MND1: variants seen among roughly 807,000 people sequenced by gnomAD.
MND1 encodes meiotic nuclear divisions 1.
In MND1, 28 loss-of-function variants were observed where a neutral mutation model predicts 35.1. That is an observed-to-expected ratio of 0.80 (90% CI 0.59 to 1.09). The LOEUF (loss-of-function observed/expected upper bound fraction) is 1.09. Among genes scored for constraint, MND1 ranks in the 50% least tolerant of loss-of-function variants. The pLI is 0.00. For synonymous variants in MND1, 69 were observed against 70.5 expected (o/e 0.98, Z 0.11); for missense variants, 213 against 239.6 (o/e 0.89, Z 0.73).
At chr4:153,391,778 A>AT (rs199589291) in intron 4 of MND1, among the ~76,000 whole-genome samples, 45 of 149,594 alleles carry the variant, frequency 3.0e-4, no homozygotes, top group Middle Eastern at 3.5e-3. Context: ...CACACAGCAG[A>AT]TTTTTTTTTT....
intron 7 of MND1, among the ~76,000 whole-genome samples, chr4:153,412,810 T>C (rs76271034): frequency 1.8e-3 from 230 of 125,096 alleles, no homozygotes; most frequent in African/African-American, 7.5e-3. Context: ...CTTTTTTTTC[T>C]TTTTTTTTTT....
chr4:153,393,924 C>T (rs370956811), intron 4 of MND1, among the ~76,000 whole-genome samples: 774 of 56,096 alleles, frequency 0.014, no homozygotes, highest in South Asian at 0.016. Context: ...ACTTTGTTTT[C>T]TTTTTTTTTT....
chr4:153,371,945 T>C (rs1317417122), intron 4 of MND1, among the ~76,000 whole-genome samples: 1 of 152,036 alleles, frequency 6.6e-6, no homozygotes, highest in Non-Finnish European at 1.5e-5. Flanking sequence ...GAGGCCACTG[T>C]AGGGTTATTA....
At chr4:153,410,878 C>G (rs1729662125) in intron 7 of MND1, among the ~76,000 whole-genome samples, 2 of 152,116 alleles carry the variant, frequency 1.3e-5, no homozygotes, top group South Asian at 4.1e-4. Flanking sequence ...GTAATACCAG[C>G]TACTCAGGAG....
chr4:153,357,839 A>C (rs778495254), intron 3 of MND1, among the ~76,000 whole-genome samples: 5 of 152,212 alleles, frequency 3.3e-5, no homozygotes, highest in Non-Finnish European at 5.9e-5. Context: ...AGTTATTGAC[A>C]ATTTTTTTCT....
At chr4:153,379,303 A>G (rs1728600500) in intron 4 of MND1, among the ~76,000 whole-genome samples, 1 of 148,322 alleles carries the variant, frequency 6.7e-6, no homozygotes, top group Admixed American at 6.7e-5. Context: ...AAAAAAAAAA[A>G]AGAAGAAGAA....
chr4:153,396,123 C>T (rs567472505), intron 5 of MND1, among the ~76,000 whole-genome samples: 13 of 152,212 alleles, frequency 8.5e-5, no homozygotes, highest in East Asian at 1.9e-4. Context: ...TGTGCTAATA[C>T]GATATACACT....
At chr4:153,384,443 ATTT>A (rs561004288) in intron 4 of MND1, among the ~76,000 whole-genome samples, 879 of 63,070 alleles carry the variant, frequency 0.014, 2 homozygotes, top group East Asian at 0.06. Flanking sequence ...CTAATGTTTA[ATTT>A]TTTTTTTTTT....
intron 4 of MND1, among the ~76,000 whole-genome samples, chr4:153,368,993 C>T (rs984939467): frequency 2.0e-5 from 3 of 152,204 alleles, no homozygotes; most frequent in African/African-American, 7.2e-5. Context: ...ACATCTGGCT[C>T]AAGGCCTTAT....
At chr4:153,352,040 TA>T (rs112400878) in intron 2 of MND1, among the ~76,000 whole-genome samples, 1 of 152,056 alleles carries the variant, frequency 6.6e-6, no homozygotes, top group African/African-American at 2.4e-5. Context: ...GGAAACCTTT[TA>T]AAAACACAGT....
At chr4:153,351,566 ACT>A (rs1561053855) in intron 2 of MND1, among the ~76,000 whole-genome samples, 1 of 152,200 alleles carries the variant, frequency 6.6e-6, no homozygotes, top group Non-Finnish European at 1.5e-5. Context: ...CGGGATCCAG[ACT>A]GATGTCAAAA....
At chr4:153,388,710 C>G (rs1316273602) in intron 4 of MND1, among the ~76,000 whole-genome samples, 1 of 152,222 alleles carries the variant, frequency 6.6e-6, no homozygotes, top group Admixed American at 6.5e-5. Flanking sequence ...CTAGCCCCAA[C>G]CCGGGCCTTG....
intron 6 of MND1, among the ~76,000 whole-genome samples, chr4:153,407,449 A>G (rs1208124976): frequency 6.6e-6 from 1 of 152,202 alleles, no homozygotes; most frequent in Non-Finnish European, 1.5e-5. Flanking sequence ...GGCAATGAGC[A>G]AAACTCCATC....
chr4:153,364,891 G>T (rs968334068), intron 4 of MND1, among the ~76,000 whole-genome samples: 1 of 152,088 alleles, frequency 6.6e-6, no homozygotes, highest in Admixed American at 6.6e-5. Flanking sequence ...TCTGACGAAT[G>T]CTACAAAATG....
chr4:153,397,407 A>G, intron 6 of MND1, 74 bp downstream of exon 6: 1 of 1,030,484 alleles, frequency 9.7e-7, no homozygotes, highest in South Asian at 1.5e-5. Flanking sequence ...GTTGCCTGCT[A>G]ACTATTCTCC....
chr4:153,413,841 A>G (rs1047502500), intron 7 of MND1, among the ~76,000 whole-genome samples: 1 of 152,166 alleles, frequency 6.6e-6, no homozygotes, highest in African/African-American at 2.4e-5. Flanking sequence ...CACTGGGATA[A>G]AGACCCTTGA....
intron 4 of MND1, among the ~76,000 whole-genome samples, chr4:153,390,689 A>T (rs1728995171): frequency 6.6e-6 from 1 of 152,062 alleles, no homozygotes; most frequent in African/African-American, 2.4e-5. Context: ...CTACAAAAAA[A>T]ATACAAAAAT....
At chr4:153,384,938 C>T (rs1579932790) in intron 4 of MND1, among the ~76,000 whole-genome samples, 2 of 152,196 alleles carry the variant, frequency 1.3e-5, no homozygotes, top group East Asian at 3.8e-4. Context: ...TTCTTGCTAG[C>T]TTCACAGAGT....
chr4:153,366,900 A>G (rs549024597), intron 4 of MND1, among the ~76,000 whole-genome samples: 36 of 152,330 alleles, frequency 2.4e-4, no homozygotes, highest in Non-Finnish European at 4.7e-4. Flanking sequence ...AGCTTGTCCA[A>G]GGTCTCACAG....
Sources: allele counts gnomAD v4.1 joint callset (sites outside exome capture counted in the v4.1 genomes callset), GRCh38; gene constraint gnomAD v4.1.1; transcripts MANE v1.5; gene names NCBI Gene and HGNC (gene_info 2026-07-23, HGNC 2026-07-21).